Variants in CPHXL2 observed in about 807,000 individuals in gnomAD.
The protein encoded by CPHXL2 is cytoplasmic polyadenylated homeobox-like protein 2.
At chr16:75,674,754 G>C in the CPHXL2 span, among the ~76,000 whole-genome samples, 1 of 151,956 alleles carries the variant, frequency 6.6e-6, no homozygotes, top group East Asian at 2.0e-4. Flanking sequence ...CTGTCTCCCA[G>C]GCTGGAGTGC....
At chr16:75,673,209 C>T in the CPHXL2 span, among the ~76,000 whole-genome samples, 1 of 150,994 alleles carries the variant, frequency 6.6e-6, no homozygotes, top group Admixed American at 6.6e-5. Flanking sequence ...ACCAGGCGGG[C>T]AGATCACTTG....
At chr16:75,662,618 AT>A in the CPHXL2 span, among the ~76,000 whole-genome samples, 1 of 152,036 alleles carries the variant, frequency 6.6e-6, no homozygotes, top group Admixed American at 6.6e-5. Flanking sequence ...AGAAGACCAA[AT>A]ATATATATTT....
the CPHXL2 span, among the ~76,000 whole-genome samples, chr16:75,669,950 T>A: frequency 6.6e-6 from 1 of 152,224 alleles, no homozygotes; most frequent in African/African-American, 2.4e-5. Context: ...TTATTTATTT[T>A]GTCATCCCGG....
chr16:75,671,092 G>A, the CPHXL2 span, among the ~76,000 whole-genome samples: 1 of 152,102 alleles, frequency 6.6e-6, no homozygotes, highest in South Asian at 2.1e-4. Context: ...TATTAAAAAT[G>A]GAAAAACAGG....
the CPHXL2 span, among the ~76,000 whole-genome samples, chr16:75,671,327 A>C: frequency 6.9e-6 from 1 of 144,950 alleles, no homozygotes; most frequent in African/African-American, 2.6e-5. Context: ...GCTACACTCT[A>C]CTCCAGCCTG....
chr16:75,672,646 G>A, the CPHXL2 span, among the ~76,000 whole-genome samples: 3 of 152,062 alleles, frequency 2.0e-5, no homozygotes, highest in Non-Finnish European at 4.4e-5. Flanking sequence ...CAATACGCCC[G>A]GATAATTTTT....
chr16:75,673,180 A>T, the CPHXL2 span, among the ~76,000 whole-genome samples: 4 of 151,866 alleles, frequency 2.6e-5, no homozygotes, highest in Admixed American at 2.6e-4. Context: ...CATGCCTGTA[A>T]TCCCAGCACT....
chr16:75,674,831 T>A, the CPHXL2 span, among the ~76,000 whole-genome samples: 17 of 151,240 alleles, frequency 1.1e-4, no homozygotes, highest in African/African-American at 3.6e-4. Context: ...TGCCTCAGAT[T>A]CCTGAATAGC....
chr16:75,674,872 A>T, the CPHXL2 span, among the ~76,000 whole-genome samples: 1 of 151,732 alleles, frequency 6.6e-6, no homozygotes, highest in East Asian at 2.0e-4. Context: ...ACCATGCCTG[A>T]CTAATTTTTG....
the CPHXL2 span, among the ~76,000 whole-genome samples, chr16:75,670,097 G>A: frequency 6.6e-6 from 1 of 152,114 alleles, no homozygotes; most frequent in Non-Finnish European, 1.5e-5. Context: ...TGTATTTTTA[G>A]TAGAGACGGG....
the CPHXL2 span, chr16:75,660,889 C>T: frequency 5.0e-6 from 2 of 398,568 alleles, no homozygotes; most frequent in Non-Finnish European, 8.8e-6. Context: ...GTACCTGCGA[C>T]CAGATAGGAG....
At chr16:75,668,997 C>T in the CPHXL2 span, among the ~76,000 whole-genome samples, 23 of 152,076 alleles carry the variant, frequency 1.5e-4, no homozygotes, top group African/African-American at 5.3e-4. Context: ...CTTCTACCTC[C>T]ATCTATACTT....
At chr16:75,670,640 C>A in the CPHXL2 span, among the ~76,000 whole-genome samples, 2 of 152,134 alleles carry the variant, frequency 1.3e-5, no homozygotes, top group Non-Finnish European at 2.9e-5. Context: ...TCCTGAGTAG[C>A]TGGGACTACC....
chr16:75,670,818 C>G, the CPHXL2 span, among the ~76,000 whole-genome samples: 1 of 152,266 alleles, frequency 6.6e-6, no homozygotes, highest in African/African-American at 2.4e-5. Flanking sequence ...TTTTTAATAG[C>G]CTTCAAGCCT....
the CPHXL2 span, among the ~76,000 whole-genome samples, chr16:75,670,738 C>T: frequency 1.3e-5 from 2 of 152,212 alleles, no homozygotes; most frequent in South Asian, 4.1e-4. Context: ...CTCAAGTGAT[C>T]CACCTTTCTC....
chr16:75,665,213 G>C, the CPHXL2 span, among the ~76,000 whole-genome samples: 5 of 152,234 alleles, frequency 3.3e-5, no homozygotes, highest in Admixed American at 1.3e-4. Context: ...ATGAAGGAAA[G>C]AATCTTAAGA....
the CPHXL2 span, chr16:75,660,557 C>G: frequency 2.5e-6 from 1 of 398,644 alleles, no homozygotes; most frequent in Middle Eastern, 6.3e-4. Context: ...ACATCATCCC[C>G]TCTGAGTAAT....
At chr16:75,662,526 C>T in the CPHXL2 span, among the ~76,000 whole-genome samples, 3 of 151,936 alleles carry the variant, frequency 2.0e-5, no homozygotes, top group Non-Finnish European at 2.9e-5. Flanking sequence ...GGGTCTACTA[C>T]CATCAGTCAA....
At chr16:75,661,761 T>G in the CPHXL2 span, among the ~76,000 whole-genome samples, 2 of 152,258 alleles carry the variant, frequency 1.3e-5, no homozygotes, top group East Asian at 3.9e-4. Flanking sequence ...GTTTCACAAG[T>G]AAAGAGTGCA....
Sources: allele counts gnomAD v4.1 joint callset (sites outside exome capture counted in the v4.1 genomes callset), GRCh38; gene constraint gnomAD v4.1.1; transcripts MANE v1.5; gene names NCBI Gene and HGNC (gene_info 2026-07-23, HGNC 2026-07-21).